The following LGSN variants were observed in gnomAD, a reference collection of about 807,000 sequenced individuals.
The protein encoded by LGSN is lengsin.
Under a neutral mutation model 19.5 loss-of-function variants are expected in LGSN, and 21 were observed. The ratio of observed to expected loss-of-function variants is 1.07; its 90% CI spans 0.76 to 1.55. The LOEUF (loss-of-function observed/expected upper bound fraction) is 1.55. LGSN is among the 40% of genes most tolerant of loss of function. LGSN has a pLI of 0.00. For missense variants in LGSN, 673 were observed against 608.5 expected (o/e 1.11, Z -1.12); for synonymous variants, 257 against 215.6 (o/e 1.19, Z -1.68).
the LGSN span, among the ~76,000 whole-genome samples, chr6:63,375,312 TATTAA>T: frequency 1.3e-5 from 2 of 152,038 alleles, no homozygotes; most frequent in East Asian, 1.9e-4. Flanking sequence ...TCTGTAATTG[TATTAA>T]ATTAATTCTT....
At chr6:63,505,504 G>T in the LGSN span, among the ~76,000 whole-genome samples, 1 of 147,620 alleles carries the variant, frequency 6.8e-6, no homozygotes. Context: ...CTTGAACCCA[G>T]GAGGTGGAGG....
chr6:63,534,061 T>C, the LGSN span, among the ~76,000 whole-genome samples: 1 of 152,048 alleles, frequency 6.6e-6, no homozygotes, highest in East Asian at 1.9e-4. Flanking sequence ...CAGGCTAGTC[T>C]AGAAATTCTG....
chr6:63,463,678 A>G, the LGSN span, among the ~76,000 whole-genome samples: 394 of 152,328 alleles, frequency 2.6e-3, 3 homozygotes, highest in African/African-American at 9.0e-3. Flanking sequence ...CTGGGAAAAA[A>G]CAGGTCATGC....
intron 1 of LGSN, among the ~76,000 whole-genome samples, chr6:63,309,022 T>A (rs1768518111): frequency 6.6e-6 from 1 of 152,208 alleles, no homozygotes. Context: ...CCAAGATACG[T>A]CATGTATGTT....
chr6:63,442,423 CAG>C, the LGSN span, among the ~76,000 whole-genome samples: 1 of 151,160 alleles, frequency 6.6e-6, no homozygotes, highest in Non-Finnish European at 1.5e-5. Context: ...GTCCATTTTA[CAG>C]AGAGCTGATT....
At chr6:63,358,204 C>G in the LGSN span, among the ~76,000 whole-genome samples, 6 of 152,170 alleles carry the variant, frequency 3.9e-5, no homozygotes, top group East Asian at 3.9e-4. Flanking sequence ...CTATGTTTTG[C>G]TACCAGTACC....
At chr6:63,308,657 T>C (rs936579709) in intron 1 of LGSN, among the ~76,000 whole-genome samples, 1 of 152,032 alleles carries the variant, frequency 6.6e-6, no homozygotes, top group Non-Finnish European at 1.5e-5. Flanking sequence ...ATAGTTATAG[T>C]CCGAGGTGTA....
the LGSN span, among the ~76,000 whole-genome samples, chr6:63,562,716 TTTAA>T: frequency 2.6e-5 from 4 of 152,032 alleles, no homozygotes; most frequent in Non-Finnish European, 5.9e-5. Flanking sequence ...CTATCAAGAG[TTTAA>T]TTGTTCTCTT....
the LGSN span, among the ~76,000 whole-genome samples, chr6:63,496,099 T>C: frequency 2.0e-5 from 3 of 151,916 alleles, no homozygotes; most frequent in Non-Finnish European, 4.4e-5. Context: ...GCTAATTTTG[T>C]ATTTTTAGTA....
At chr6:63,326,255 T>C in the LGSN span, among the ~76,000 whole-genome samples, 40,885 of 151,374 alleles carry the variant, frequency 0.27, 6,318 homozygotes, top group African/African-American at 0.41. Flanking sequence ...CTGAGCTAGA[T>C]ACAAGGTGCT....
At chr6:63,306,072 CA>C (rs35517886) in intron 1 of LGSN, among the ~76,000 whole-genome samples, 33,406 of 151,752 alleles carry the variant, frequency 0.22, 4,369 homozygotes, top group Middle Eastern at 0.33. Flanking sequence ...GTCTCAACAA[CA>C]AAAAAATAAA....
chr6:63,464,396 T>C, the LGSN span, among the ~76,000 whole-genome samples: 1 of 152,114 alleles, frequency 6.6e-6, no homozygotes, highest in South Asian at 2.1e-4. Flanking sequence ...ATATCTATTT[T>C]GAATATAATA....
intron 1 of LGSN, among the ~76,000 whole-genome samples, chr6:63,308,453 C>T (rs770200378): frequency 5.3e-5 from 8 of 152,048 alleles, no homozygotes; most frequent in Admixed American, 1.3e-4. Flanking sequence ...AACTAAAAAA[C>T]GCTTAACCTA....
At chr6:63,406,061 C>A in the LGSN span, among the ~76,000 whole-genome samples, 1 of 152,130 alleles carries the variant, frequency 6.6e-6, no homozygotes, top group African/African-American at 2.4e-5. Context: ...GACTTAGACT[C>A]CCACACAATA....
At chr6:63,348,562 G>A in the LGSN span, among the ~76,000 whole-genome samples, 2 of 151,846 alleles carry the variant, frequency 1.3e-5, no homozygotes, top group African/African-American at 2.4e-5. Flanking sequence ...TTTAGTTAAC[G>A]GCTCAACAAA....
chr6:63,289,625 T>A (rs532590331), intron 2 of LGSN, among the ~76,000 whole-genome samples: 28 of 140,226 alleles, frequency 2.0e-4, no homozygotes, highest in Middle Eastern at 3.5e-3. Context: ...TAAGAAAATA[T>A]TAAAAAAAAA....
At chr6:63,377,956 AC>A in the LGSN span, among the ~76,000 whole-genome samples, 1 of 150,258 alleles carries the variant, frequency 6.7e-6, no homozygotes, top group African/African-American at 2.4e-5. Context: ...AGGATGAATA[AC>A]AAGAAAGAAA....
At chr6:63,318,811 A>G (rs1248312191) in intron 1 of LGSN, among the ~76,000 whole-genome samples, 1 of 152,224 alleles carries the variant, frequency 6.6e-6, no homozygotes, top group African/African-American at 2.4e-5. Flanking sequence ...AGTAGTAAGT[A>G]AAACTAGTCC....
chr6:63,533,771 A>G, the LGSN span, among the ~76,000 whole-genome samples: 40 of 152,132 alleles, frequency 2.6e-4, no homozygotes, highest in Admixed American at 1.4e-3. Context: ...ATGGGGAAGT[A>G]TACTTAGGAT....
Sources: allele counts gnomAD v4.1 joint callset (sites outside exome capture counted in the v4.1 genomes callset), GRCh38; gene constraint gnomAD v4.1.1; transcripts MANE v1.5; gene names NCBI Gene and HGNC (gene_info 2026-07-23, HGNC 2026-07-21).